LRRC28: variants seen among roughly 807,000 people sequenced by gnomAD.
LRRC28 encodes the protein leucine-rich repeat-containing protein 28.
Under a neutral mutation model 45.7 loss-of-function variants are expected in LRRC28, and 39 were observed. The ratio of observed to expected loss-of-function variants is 0.85; its 90% CI spans 0.66 to 1.12. The LOEUF (loss-of-function observed/expected upper bound fraction) is 1.12, where lower values mean the gene tolerates loss of function less well. Ranked by LOEUF, LRRC28 falls within the 50% of genes most tolerant of loss-of-function variation. The pLI is 0.00. For synonymous variants in LRRC28, 206 were observed against 178.8 expected, an observed-to-expected ratio of 1.15 and a Z score of -1.22; for missense variants, 435 against 438.5, an observed-to-expected ratio of 0.99 and a Z score of 0.07.
chr15:99,284,708 C>T (rs2081909425), intron 3 of LRRC28: 1 of 516,642 alleles, frequency 1.9e-6, no homozygotes, highest in Admixed American at 1.9e-5. Context: ...GTATTGGACT[C>T]CACCCCCATA....
At chr15:99,308,325 A>T (rs72758816) in intron 5 of LRRC28, among the ~76,000 whole-genome samples, 16,488 of 151,438 alleles carry the variant, frequency 0.11, 985 homozygotes, top group African/African-American at 0.17. Context: ...CTTAATCTTT[A>T]AAAAAAAAGT....
At chr15:99,252,622 T>C (rs988590897) in intron 1 of LRRC28, among the ~76,000 whole-genome samples, 5 of 152,232 alleles carry the variant, frequency 3.3e-5, no homozygotes, top group African/African-American at 9.7e-5. Context: ...ATAATGTCTA[T>C]TGCAGTGCAT....
intron 7 of LRRC28, among the ~76,000 whole-genome samples, chr15:99,354,358 G>C (rs572671882): frequency 5.2e-4 from 79 of 152,280 alleles, no homozygotes; most frequent in African/African-American, 1.9e-3. Flanking sequence ...AGCATTAAGA[G>C]TCTTCTTTCT....
At chr15:99,336,292 A>G (rs1444619699) in intron 6 of LRRC28, among the ~76,000 whole-genome samples, 1 of 152,226 alleles carries the variant, frequency 6.6e-6, no homozygotes, top group Admixed American at 6.5e-5. Context: ...AGATAAGGAA[A>G]TTGAGGCTCA....
At chr15:99,335,005 G>A (rs1956277661) in intron 6 of LRRC28, among the ~76,000 whole-genome samples, 1 of 151,936 alleles carries the variant, frequency 6.6e-6, no homozygotes, top group African/African-American at 2.4e-5. Context: ...TAAAATCAAT[G>A]GAAGTAATAA....
intron 2 of LRRC28, chr15:99,257,698 A>G: frequency 1.3e-6 from 1 of 764,222 alleles, no homozygotes; most frequent in Non-Finnish European, 2.4e-6. Context: ...AGAGCTGTTG[A>G]TGAAGTTGAT....
intron 9 of LRRC28, among the ~76,000 whole-genome samples, chr15:99,385,368 G>A (rs1463187003): frequency 1.3e-5 from 2 of 152,240 alleles, no homozygotes; most frequent in Non-Finnish European, 2.9e-5. Flanking sequence ...CAACAAGAGA[G>A]TCTTCTCCCT....
chr15:99,287,221 A>G (rs943289166), intron 3 of LRRC28, 36 bp from the exon 4 acceptor site: 4 of 1,537,744 alleles, frequency 2.6e-6, no homozygotes, highest in Non-Finnish European at 2.6e-6. Context: ...AAAGTACTTA[A>G]TGATAATGGC....
intron 5 of LRRC28, among the ~76,000 whole-genome samples, chr15:99,313,715 G>C (rs1053221885): frequency 5.3e-5 from 8 of 152,112 alleles, no homozygotes; most frequent in African/African-American, 1.9e-4. Flanking sequence ...ATGGCTGAAG[G>C]ATAGTTTTCC....
chr15:99,381,949 G>T (rs1053351129), intron 9 of LRRC28, among the ~76,000 whole-genome samples: 1 of 152,222 alleles, frequency 6.6e-6, no homozygotes, highest in African/African-American at 2.4e-5. Context: ...CTACTGGAGG[G>T]TGCCTCCCAG....
Position 99,390,371 on chromosome 15 carries a change from T to C in LRRC28, c.*4269T>C, listed in dbSNP as rs923811398. On this transcript the variant is annotated 3_prime_UTR_variant, in exon 10 of 10. Coordinates refer to ENST00000301981, the MANE Select transcript of LRRC28 (RefSeq NM_144598.5). ...TGGTGGATGGGCAGAAGGTGTAGCA[T>C]TCGGAGATTATTTCTGTATGTAATT... 2.0e-5 allele frequency: 3 copies of C among 152,182 alleles called. No individual in the cohort carries two copies. The highest frequency in any genetic ancestry group is 4.4e-5 in the Non-Finnish European group (3 of 68,046). The allele number at this position is 152,182 out of a possible 1,614,324, so 9.4% of individuals were successfully genotyped here.
At chr15:99,329,473 C>T (rs1956089699) in intron 5 of LRRC28, among the ~76,000 whole-genome samples, 1 of 152,164 alleles carries the variant, frequency 6.6e-6, no homozygotes, top group Admixed American at 6.5e-5. Flanking sequence ...ATTCCATCTT[C>T]GCATAATTTC....
chr15:99,305,171 A>T (rs1482073522), intron 5 of LRRC28, among the ~76,000 whole-genome samples: 1 of 152,218 alleles, frequency 6.6e-6, no homozygotes, highest in Admixed American at 6.5e-5. Context: ...AGGAGACTAG[A>T]TGAAGGCATG....
At chr15:99,331,092 C>A (rs1490343358) in intron 5 of LRRC28, among the ~76,000 whole-genome samples, 9 of 151,976 alleles carry the variant, frequency 5.9e-5, no homozygotes, top group Admixed American at 5.2e-4. Context: ...ACATTGTTGC[C>A]CCATTTTACA....
intron 6 of LRRC28, chr15:99,338,255 G>A (rs1233338695): frequency 2.7e-5 from 4 of 149,964 alleles, no homozygotes; most frequent in African/African-American, 4.8e-5. Context: ...TCTGTGTTTA[G>A]GAAGAAAACA....
At chr15:99,365,110 A>G (rs1264285189) in intron 9 of LRRC28, among the ~76,000 whole-genome samples, 1 of 152,200 alleles carries the variant, frequency 6.6e-6, no homozygotes, top group African/African-American at 2.4e-5. Context: ...AATCTTGGCA[A>G]TTCATTTACG....
In LRRC28 at chr15:99,388,134, C is replaced by T. The variant is rs1328195901; in HGVS notation, c.*2032C>T. Reference sequence around the variant, plus strand: ...TGGAATAATTGAAGTTTAACATAACCTCTACATGTATATAAGTTAGCTGGT... The same window carrying T: ...TGGAATAATTGAAGTTTAACATAACTTCTACATGTATATAAGTTAGCTGGT... On this transcript the variant is annotated 3_prime_UTR_variant, in exon 10 of 10. Transcript: ENST00000301981. 6.6e-6 allele frequency: 1 copy of T among 152,182 alleles called. No individual in the cohort carries two copies. Among genetic ancestry groups the T allele is most frequent in the Non-Finnish European group, 1.5e-5 (1 of 68,046 alleles). 9.4% of individuals were successfully genotyped at this position (152,182 alleles called of 1,614,324 possible). A position where few individuals can be genotyped will look rare whatever the true frequency, so the allele number is the denominator to read the frequency against.
At chr15:99,288,701 A>T (rs2082028763) in intron 5 of LRRC28, among the ~76,000 whole-genome samples, 1 of 150,482 alleles carries the variant, frequency 6.6e-6, no homozygotes, top group Non-Finnish European at 1.5e-5. Context: ...TCTGTTTTTA[A>T]CAGAGTCTCA....
At chr15:99,361,626 T>C (rs1957206461) in intron 8 of LRRC28, 115 bp downstream of exon 8, 1 of 1,034,318 alleles carries the variant, frequency 9.7e-7, no homozygotes, top group Non-Finnish European at 1.4e-6. Context: ...AAAATACACA[T>C]AACACGAAAG....
Sources: allele counts gnomAD v4.1 joint callset (sites outside exome capture counted in the v4.1 genomes callset), GRCh38; gene constraint gnomAD v4.1.1; transcripts MANE v1.5; gene names NCBI Gene and HGNC (gene_info 2026-07-23, HGNC 2026-07-21).